DLG4: variants seen among roughly 807,000 people sequenced by gnomAD.
The protein encoded by DLG4 is discs large MAGUK scaffold protein 4.
Under a neutral mutation model 93.8 loss-of-function variants are expected in DLG4, and 7 were observed. The observed-to-expected ratio is 0.07, with a 90% CI of 0.04 to 0.14. The LOEUF (loss-of-function observed/expected upper bound fraction) is 0.14. Among genes scored for constraint, DLG4 ranks in the 10% least tolerant of loss-of-function variants. The pLI is 1.00. For synonymous variants in DLG4, 341 were observed against 387.6 expected, an observed-to-expected ratio of 0.88 and a Z score of 1.41; for missense variants, 545 against 992.9, an observed-to-expected ratio of 0.55 and a Z score of 6.06.
chr17:7,211,068 T>C (rs1244075115), intron 1 of DLG4, among the ~76,000 whole-genome samples: 1 of 140,698 alleles, frequency 7.1e-6, no homozygotes, highest in Non-Finnish European at 1.5e-5. Flanking sequence ...AGGGACTAGG[T>C]TCAGTCTCTG....
chr17:7,217,554 A>C lies in DLG4; in HGVS notation c.-407T>G, dbSNP rs917128842. On this transcript the variant is annotated 5_prime_UTR_variant, in exon 1 of 20. Transcript: ENST00000399506. ...CAGGGGCTAGGGGCCGTGGCGGGGGAGTGGGGTGGGGGGGTTGGAAACGGC... is the reference window on the plus strand; with the variant it reads ...CAGGGGCTAGGGGCCGTGGCGGGGGCGTGGGGTGGGGGGGTTGGAAACGGC... 2.1e-4 allele frequency: 24 copies of C among 111,686 alleles called. No individual in the cohort carries two copies. Among genetic ancestry groups the C allele is most frequent in the African/African-American group, 3.9e-4 (2 of 5,100 alleles). 6.9% of individuals were successfully genotyped at this position (111,686 alleles called of 1,614,324 possible).
chr17:7,219,955 C>T (rs1344401798), upstream of DLG4: 1 of 1,189,910 alleles, frequency 8.4e-7, no homozygotes, highest in Non-Finnish European at 1.2e-6. Flanking sequence ...GGTCAGAGCT[C>T]GAGCCAGCGG....
chr17:7,210,852 G>A (rs2070677714), intron 1 of DLG4, among the ~76,000 whole-genome samples: 2 of 151,976 alleles, frequency 1.3e-5, no homozygotes, highest in African/African-American at 4.8e-5. Context: ...ACATGAGGAG[G>A]GCCATTTCAT....
intron 8 of DLG4, among the ~76,000 whole-genome samples, chr17:7,198,963 C>T (rs2069965698): frequency 6.6e-6 from 1 of 150,912 alleles, no homozygotes; most frequent in Non-Finnish European, 1.5e-5. Context: ...TTGCAGTGAG[C>T]CAAGATCACA....
In DLG4 at chr17:7,194,668, T is replaced by C. The variant is rs576090748; in HGVS notation, c.1302-173A>G. 2.6e-5 allele frequency among the ~76,000 whole-genome samples: 4 copies of C among 152,258 alleles called. No individual in the cohort carries two copies. The highest frequency in any genetic ancestry group is 4.1e-4 in the South Asian group (2 of 4,830). ...AACGCTGACTATAACTCATAACAAC[T>C]ATTAGCCATCACTCAGTCCACACTG... On this transcript the variant is annotated intron_variant, in intron 11 of 19. Coordinates refer to ENST00000399506, the MANE Select transcript of DLG4 (RefSeq NM_001321075.3). This position sits in a 1 kb window ranked among gnomAD's most constrained non-coding sequence, Gnocchi z 4.4.
In DLG4 at chr17:7,188,957, C is replaced by A. The variant is rs2069367556; in HGVS notation, c.*1751G>T. On this transcript the variant is annotated 3_prime_UTR_variant, in exon 20 of 20. Coordinates refer to ENST00000399506, the MANE Select transcript of DLG4 (RefSeq NM_001321075.3). ...CAAAACCCCATCTCTACTAAAAATA[C>A]AAAAATTAGCCAGGAGTGGTGGCAG... 6.6e-6 allele frequency among the ~76,000 whole-genome samples: 1 copy of A among 151,512 alleles called. No homozygotes were observed.
At chr17:7,197,074 T>A in intron 8 of DLG4, 22 bp from the exon 9 acceptor site, 2 of 1,577,724 alleles carry the variant, frequency 1.3e-6, no homozygotes, top group Non-Finnish European at 1.7e-6. Flanking sequence ...AGGGCAGAGA[T>A]GAAAGTGCCT....
In DLG4 at chr17:7,196,395, C is replaced by A; in HGVS notation, c.1187-61G>T. The A allele has an allele frequency of 6.2e-7, 1 of 1,608,744 alleles. No individual in the cohort carries two copies. Among genetic ancestry groups the A allele is most frequent in the Non-Finnish European group, 8.5e-7 (1 of 1,175,206 alleles). ...CCATCCTACTGTCACCCCTGTCCTC[C>A]CCTACTGAAGCCATCAGCTGAGGAA... On this transcript the variant is annotated intron_variant, in intron 10 of 19. Coordinates refer to ENST00000399506, the MANE Select transcript of DLG4 (RefSeq NM_001321075.3). The surrounding 1 kb of genome is among the most constrained non-coding windows in gnomAD (Gnocchi z 8.3).
chr17:7,214,011 C>T lies in DLG4; in HGVS notation c.30+3107G>A, dbSNP rs533859920. On this transcript the variant is annotated intron_variant, in intron 1 of 19. Coordinates refer to ENST00000399506, the MANE Select transcript of DLG4 (RefSeq NM_001321075.3). Reference sequence around the variant, plus strand: ...GTGGGCGCCATGGCCCATAAAGACCCTTCCCCATCCCCCATTTCCCTTTTC... The same window carrying T: ...GTGGGCGCCATGGCCCATAAAGACCTTTCCCCATCCCCCATTTCCCTTTTC... The T allele has an allele frequency of 1.1e-5, 4 of 363,424 alleles. No individual in the cohort carries two copies. The East Asian group carries it at 3.0e-4, about 27-fold the overall frequency. The allele number at this position is 363,424 out of a possible 1,614,324, so 22.5% of individuals were successfully genotyped here.
rs1383629781 is a variant in DLG4 at position 7,194,629 on chromosome 17, C to T, written c.1302-134G>A. The T allele has an allele frequency of 1.1e-5, 10 of 886,344 alleles. No individual in the cohort carries two copies. The East Asian group carries it at 2.4e-4, about 21-fold the overall frequency. 54.9% of individuals were successfully genotyped at this position (886,344 alleles called of 1,614,324 possible). Reference sequence around the variant, plus strand: ...GCTATGGATGCCGAGGAACCCAAAACTGTGTGGGGACCAAACGCTGACTAT... The same window carrying T: ...GCTATGGATGCCGAGGAACCCAAAATTGTGTGGGGACCAAACGCTGACTAT... On this transcript the variant is annotated intron_variant, in intron 11 of 19. Coordinates refer to ENST00000399506, the MANE Select transcript of DLG4 (RefSeq NM_001321075.3). This position sits in a 1 kb window ranked among gnomAD's most constrained non-coding sequence, Gnocchi z 4.4.
At position 7,189,190 on chromosome 17, in the gene DLG4, C is replaced by T. The variant is rs1013508734; in HGVS notation, c.*1518G>A. ...CACACAGCAGTTCTTATCAGCAGAA[C>T]TCTGTAAAGATCATTTCCAGGCCAG... On this transcript the variant is annotated 3_prime_UTR_variant, in exon 20 of 20. Transcript: ENST00000399506. 6.6e-6 allele frequency among the ~76,000 whole-genome samples: 1 copy of T among 150,968 alleles called. No homozygotes were observed. Among genetic ancestry groups the T allele is most frequent in the African/African-American group, 2.4e-5 (1 of 41,000 alleles).
Position 7,202,917 on chromosome 17 carries a change from G to T in DLG4, c.773C>A (p.Pro258Gln), listed in dbSNP as rs1260811393. 4 of 1,613,848 alleles carry T rather than the reference G, an allele frequency of 2.5e-6. No individual in the cohort carries two copies. Among genetic ancestry groups the T allele is most frequent in the African/African-American group, 1.3e-5 (1 of 74,922 alleles). ...NAYLSDSYAP[P>Q]DITTSYSQHL... is the part of the protein sequence containing the mutation. ...AGGGCTCTCACAGGTTGTGATGTCT[G>T]GGGGAGCATAGCTGTCACTCAGGTA... The change falls in exon 8 of 20, where the codon CCA becomes CAA. Residue 258 changes from proline to glutamine, a missense_variant. Coordinates refer to ENST00000399506, the MANE Select transcript of DLG4 (RefSeq NM_001321075.3).
At chr17:7,205,057 C>T in intron 2 of DLG4, 6 of 985,534 alleles carry the variant, frequency 6.1e-6, no homozygotes, top group Non-Finnish European at 7.2e-6. Context: ...GCCCTGGGCC[C>T]CGCCCCACGT....
chr17:7,189,358 A>AC lies in DLG4; in HGVS notation c.*1349_*1350insG, dbSNP rs2069380167. ...TACAAAATTAGCCAGGCATGGTGGC[A>AC]GTAATCTGTAATCCCAGCTACTCAG... On this transcript the variant is annotated 3_prime_UTR_variant, in exon 20 of 20. Transcript: ENST00000399506. Among the ~76,000 whole-genome samples the AC allele has an allele frequency of 6.6e-6, 1 of 151,796 alleles. No homozygotes were observed. The highest frequency in any genetic ancestry group is 1.5e-5 in the Non-Finnish European group (1 of 67,964).
intron 1 of DLG4, among the ~76,000 whole-genome samples, chr17:7,210,582 T>C (rs1007097002): frequency 6.6e-6 from 1 of 152,204 alleles, no homozygotes; most frequent in Non-Finnish European, 1.5e-5. Flanking sequence ...GAGAAGGTGG[T>C]CTTCTACCTG....
Position 7,193,448 on chromosome 17 carries a change from C to G in DLG4, c.1693+35G>C, listed in dbSNP as rs778646215. 1 of 1,505,240 alleles carries G rather than the reference C, an allele frequency of 6.6e-7. No individual in the cohort carries two copies. The highest frequency in any genetic ancestry group is 1.4e-5 in the African/African-American group (1 of 71,360). The allele number at this position is 1,505,240 out of a possible 1,614,324, so 93.2% of individuals were successfully genotyped here. A position where few individuals can be genotyped will look rare whatever the true frequency, so the allele number is the denominator to read the frequency against. ...GGCCTCCCCTGCCCCACCCCCACTT[C>G]CACCTTCTCCTCCATCCAAGGCCCC... On this transcript the variant is annotated intron_variant, in intron 16 of 19. Transcript: ENST00000399506. This position sits in a 1 kb window ranked among gnomAD's most constrained non-coding sequence, Gnocchi z 6.7.
At chr17:7,204,486 C>T in intron 2 of DLG4, 2 of 458,534 alleles carry the variant, frequency 4.4e-6, no homozygotes, top group Non-Finnish European at 7.6e-6. Flanking sequence ...TCTAACTCTG[C>T]CCAGCCCGGG....
chr17:7,217,528 C>T lies in DLG4; in HGVS notation c.-381G>A, dbSNP rs1292379746. The T allele has an allele frequency of 8.2e-6, 4 of 487,386 alleles. No individual in the cohort carries two copies. The highest frequency in any genetic ancestry group is 9.6e-6 in the Non-Finnish European group (4 of 415,382). The allele number at this position is 487,386 out of a possible 1,614,324, so 30.2% of individuals were successfully genotyped here. A position where few individuals can be genotyped will look rare whatever the true frequency, so the allele number is the denominator to read the frequency against. ...GGTAGGGGGGGGTCTTGCCAAACGG[C>T]CAGGGGCTAGGGGCCGTGGCGGGGG... On this transcript the variant is annotated 5_prime_UTR_variant, in exon 1 of 20. Transcript: ENST00000399506.
chr17:7,218,265 A>G (rs2071025521), upstream of DLG4: 3 of 1,609,820 alleles, frequency 1.9e-6, no homozygotes, highest in East Asian at 2.2e-5. Context: ...GGGAAGCCTC[A>G]TAATAGTCCA....
Sources: gnomAD v4.1 joint callset for allele counts (sites outside exome capture counted in the v4.1 genomes callset) on GRCh38, gnomAD v4.1.1 for gene constraint, Gnocchi (gnomAD v3.1) non-coding constraint, MANE v1.5 for transcripts, NCBI Gene and HGNC (gene_info 2026-07-23, HGNC 2026-07-21) for gene names.